Variants in CTNND2 observed in about 807,000 individuals in gnomAD.
The protein encoded by CTNND2 is catenin delta 2.
A neutral mutation model predicts 144.4 loss-of-function variants in CTNND2; 22 were observed. The ratio of observed to expected loss-of-function variants is 0.15; its 90% CI spans 0.11 to 0.22. The LOEUF is 0.22. CTNND2 is among the 10% of genes least tolerant of loss of function. The pLI, the probability that CTNND2 is intolerant of heterozygous loss-of-function variation, is 1.00. For synonymous variants in CTNND2, 751 were observed against 695.6 expected (o/e 1.08, Z -1.25); for missense variants, 1,353 against 1,618.8 (o/e 0.84, Z 2.82).
intron 7 of CTNND2, among the ~76,000 whole-genome samples, chr5:11,372,847 G>GACATA (rs1238986791): frequency 6.6e-6 from 1 of 152,176 alleles, no homozygotes. Context: ...GAGAAGCCAG[G>GACATA]ACATATTTGT....
intron 3 of CTNND2, among the ~76,000 whole-genome samples, chr5:11,529,818 C>T (rs1773575720): frequency 6.6e-6 from 1 of 151,946 alleles, no homozygotes; most frequent in Admixed American, 6.6e-5. Flanking sequence ...AGAGATCTTG[C>T]CTTGGTTTAT....
intron 12 of CTNND2, among the ~76,000 whole-genome samples, chr5:11,128,484 GT>G (rs1316322479): frequency 6.6e-6 from 1 of 151,294 alleles, no homozygotes; most frequent in African/African-American, 2.4e-5. Context: ...AATGTATTTT[GT>G]TTTTTTAAGT....
chr5:11,062,599 C>T (rs1161904181), intron 16 of CTNND2, among the ~76,000 whole-genome samples: 2 of 152,186 alleles, frequency 1.3e-5, no homozygotes, highest in African/African-American at 4.8e-5. Flanking sequence ...TAATGTTAAC[C>T]CTTGACTACA....
At chr5:11,511,038 T>A (rs1771591287) in intron 3 of CTNND2, among the ~76,000 whole-genome samples, 2 of 152,286 alleles carry the variant, frequency 1.3e-5, no homozygotes, top group South Asian at 4.2e-4. Context: ...ATAGGAAACT[T>A]CCATAATGCG....
chr5:11,506,052 C>A (rs181220108), intron 3 of CTNND2, among the ~76,000 whole-genome samples: 1 of 152,230 alleles, frequency 6.6e-6, no homozygotes, highest in East Asian at 1.9e-4. Flanking sequence ...TGTCTGTGTG[C>A]ATGGTGTCAC....
chr5:11,441,082 AT>A (rs1283665587), intron 3 of CTNND2, among the ~76,000 whole-genome samples: 2 of 152,018 alleles, frequency 1.3e-5, no homozygotes, highest in South Asian at 2.1e-4. Context: ...CATTACATTG[AT>A]TTTTTTTAAA....
intron 2 of CTNND2, among the ~76,000 whole-genome samples, chr5:11,603,550 G>C (rs1404669910): frequency 1.3e-5 from 2 of 152,066 alleles, no homozygotes; most frequent in African/African-American, 4.8e-5. Context: ...AAGGAATTCA[G>C]AGTAAATGGC....
intron 2 of CTNND2, among the ~76,000 whole-genome samples, chr5:11,670,322 T>C (rs886527201): frequency 2.0e-5 from 3 of 152,162 alleles, no homozygotes; most frequent in Non-Finnish European, 2.9e-5. Context: ...TTCTGTCTCA[T>C]TGATCTGTCC....
intron 3 of CTNND2, among the ~76,000 whole-genome samples, chr5:11,432,892 A>G (rs1454146138): frequency 6.6e-6 from 1 of 152,234 alleles, no homozygotes; most frequent in Non-Finnish European, 1.5e-5. Flanking sequence ...AAGTGGGAGT[A>G]TATTTACTCC....
intron 1 of CTNND2, among the ~76,000 whole-genome samples, chr5:11,835,851 G>A (rs1013678022): frequency 6.6e-6 from 1 of 151,750 alleles, no homozygotes; most frequent in Non-Finnish European, 1.5e-5. Context: ...TGTTTGTTTT[G>A]GTTTCATTTC....
chr5:11,123,831 T>C lies in CTNND2; in HGVS notation c.2160-6264A>G, dbSNP rs559612029. The stretch of plus-strand genomic sequence containing the variant: ...AGGTAGAGTACTTCTTGAATGGCCA[T>C]GAAGCCATGTGGCTGTCTGCCGTGT... On this transcript the variant is annotated intron_variant, in intron 12 of 21. Transcript: ENST00000304623. Among the ~76,000 whole-genome samples the C allele has an allele frequency of 8.5e-5, 13 of 152,332 alleles. No homozygotes were observed. In the East Asian group the frequency reaches 2.3e-3, roughly 27 times the overall value.
In CTNND2 at chr5:11,679,078, G is replaced by A. The variant is rs538630149; in HGVS notation, c.174+53058C>T. ...CAGCATCCCTTTCGTTCTCATGGGG[G>A]ACTCTGACTGGCCCTTCCTGAAACG... On this transcript the variant is annotated intron_variant, in intron 2 of 21. Coordinates refer to ENST00000304623, the MANE Select transcript of CTNND2 (RefSeq NM_001332.4). Among the ~76,000 whole-genome samples, 10 of 152,140 alleles carry A rather than the reference G, an allele frequency of 6.6e-5. No homozygotes were observed. In the East Asian group the frequency reaches 9.7e-4, roughly 15 times the overall value.
At chr5:11,853,861 G>A (rs1450044123) in intron 1 of CTNND2, among the ~76,000 whole-genome samples, 2 of 152,158 alleles carry the variant, frequency 1.3e-5, no homozygotes, top group East Asian at 1.9e-4. Context: ...TCTCCTCCTC[G>A]TCTGAGCCGC....
intron 2 of CTNND2, among the ~76,000 whole-genome samples, chr5:11,688,518 T>C (rs1169677292): frequency 6.6e-6 from 1 of 152,252 alleles, no homozygotes; most frequent in Non-Finnish European, 1.5e-5. Flanking sequence ...GATACAGTGA[T>C]GCTGGACTAT....
At chr5:11,593,052 C>T (rs189740715) in intron 2 of CTNND2, among the ~76,000 whole-genome samples, 75 of 151,502 alleles carry the variant, frequency 5.0e-4, no homozygotes, top group African/African-American at 1.7e-3. Flanking sequence ...ACCCCAGTTG[C>T]GAAAAAATAA....
chr5:11,102,861 G>C (rs1329164087), intron 14 of CTNND2, among the ~76,000 whole-genome samples: 3 of 151,936 alleles, frequency 2.0e-5, no homozygotes, highest in Non-Finnish European at 4.4e-5. Context: ...CATATGCGTG[G>C]GGCTGTGCTC....
chr5:11,377,349 C>G (rs1003273740), intron 7 of CTNND2, among the ~76,000 whole-genome samples: 14 of 152,092 alleles, frequency 9.2e-5, no homozygotes, highest in African/African-American at 2.7e-4. Context: ...GCCACTGGGC[C>G]CAGCCTCTGT....
intron 9 of CTNND2, among the ~76,000 whole-genome samples, chr5:11,265,240 A>T (rs1745316987): frequency 6.6e-6 from 1 of 152,206 alleles, no homozygotes; most frequent in African/African-American, 2.4e-5. Context: ...TTAGTGTCTC[A>T]AACAATCTGT....
chr5:11,114,798 G>C (rs1753378260), intron 13 of CTNND2, among the ~76,000 whole-genome samples: 1 of 152,120 alleles, frequency 6.6e-6, no homozygotes, highest in Non-Finnish European at 1.5e-5. Flanking sequence ...TTAAAAAGAA[G>C]GTGTACTCAT....
Sources: allele counts gnomAD v4.1 joint callset (sites outside exome capture counted in the v4.1 genomes callset), GRCh38; gene constraint gnomAD v4.1.1; transcripts MANE v1.5; gene names NCBI Gene and HGNC (gene_info 2026-07-23, HGNC 2026-07-21).